Variants in AGO3 observed in about 807,000 individuals in gnomAD.
The protein encoded by AGO3 is argonaute RISC catalytic component 3, also known as protein argonaute-3.
In AGO3, 16 loss-of-function variants were observed where a neutral mutation model predicts 105.5. The observed-to-expected ratio is 0.15, with a 90% CI of 0.10 to 0.23. The LOEUF is 0.23. Ranked by LOEUF, AGO3 falls within the 10% of genes least tolerant of loss-of-function variation. The pLI, the probability that AGO3 is intolerant of heterozygous loss-of-function variation, is 1.00. For synonymous variants in AGO3, 340 were observed against 367.3 expected, an observed-to-expected ratio of 0.93 and a Z score of 0.85; for missense variants, 534 against 1,088.0, an observed-to-expected ratio of 0.49 and a Z score of 7.16.
intron 11 of AGO3, among the ~76,000 whole-genome samples, chr1:36,019,911 A>G (rs116410981): frequency 0.015 from 2,312 of 152,092 alleles, 48 homozygotes; most frequent in African/African-American, 0.053. Context: ...TGGGATTGCA[A>G]GTACCTGCCA....
intron 11 of AGO3, among the ~76,000 whole-genome samples, chr1:36,019,710 T>C (rs189214715): frequency 6.2e-4 from 94 of 152,338 alleles, no homozygotes; most frequent in African/African-American, 2.2e-3. Context: ...ACATTGGTCA[T>C]AAACCATTTT....
rs1274240943 is a variant in AGO3 at position 36,056,118 on chromosome 1, CCTT to C, written c.*375_*377del. 1 of 160,914 alleles carries C rather than the reference CCTT, an allele frequency of 6.2e-6. No individual in the cohort carries two copies. The highest frequency in any genetic ancestry group is 2.4e-5 in the African/African-American group (1 of 41,702). 10.0% of individuals were successfully genotyped at this position (160,914 alleles called of 1,614,324 possible). ...TAAATGATGGTTTAAAAAATACACA[CCTT>C]CATGAATAATCAAAGTGATTTTTCA... is the stretch of plus-strand genomic sequence containing the variant. On this transcript the variant is annotated 3_prime_UTR_variant, in exon 19 of 19. Transcript: ENST00000373191.
At chr1:36,022,176 T>TA (rs1641267143) in intron 11 of AGO3, among the ~76,000 whole-genome samples, 1 of 149,038 alleles carries the variant, frequency 6.7e-6, no homozygotes, top group Non-Finnish European at 1.5e-5. Context: ...GTGATCCTCC[T>TA]ATGTCAGCCT....
At chr1:35,987,949 T>A (rs1647275127) in intron 5 of AGO3, among the ~76,000 whole-genome samples, 1 of 151,668 alleles carries the variant, frequency 6.6e-6, no homozygotes, top group South Asian at 2.1e-4. Flanking sequence ...ACACCTGTAA[T>A]CCCAGCTACT....
chr1:35,934,606 C>CTTTAAA (rs1429920963), intron 1 of AGO3, among the ~76,000 whole-genome samples: 1 of 152,046 alleles, frequency 6.6e-6, no homozygotes. Context: ...ATATGTAATG[C>CTTTAAA]CATCAGGGTC....
chr1:36,033,005 G>C (rs1377966448), intron 12 of AGO3, among the ~76,000 whole-genome samples: 1 of 152,040 alleles, frequency 6.6e-6, no homozygotes, highest in Non-Finnish European at 1.5e-5. Flanking sequence ...GGTGGCAGGT[G>C]CCTGTAATCC....
chr1:35,958,381 A>T (rs574369443), intron 2 of AGO3, among the ~76,000 whole-genome samples: 18 of 145,402 alleles, frequency 1.2e-4, no homozygotes, highest in African/African-American at 4.0e-4. Flanking sequence ...ACTCCATAAT[A>T]AAAAAAAAAG....
chr1:35,966,962 G>A lies in AGO3; in HGVS notation c.199G>A (p.Val67Ile). ...ATTGTTTCCCTTCTTTAGGGAGGTG[G>A]TTGACTCAATGGTTCAGCATTTTAA... ...KCPRRVNREV[V>I]DSMVQHFKVT... The change falls in exon 3 of 19, where the codon GTT becomes ATT. Residue 67 changes from valine to isoleucine, a missense_variant. Around this residue, in one of 2 missense-constraint regions of AGO3, gnomAD observed 161 missense variants for 234.0 expected, o/e 0.69. Transcript: ENST00000373191. 6.2e-7 allele frequency: 1 copy of A among 1,609,018 alleles called. No homozygotes were observed. Among genetic ancestry groups the A allele is most frequent in the Non-Finnish European group, 8.5e-7 (1 of 1,178,470 alleles).
At chr1:36,054,881 C>CA (rs766398634) in intron 17 of AGO3, 65 bp from the exon 18 acceptor site, 10 of 1,519,296 alleles carry the variant, frequency 6.6e-6, no homozygotes, top group East Asian at 2.3e-5. Context: ...GACTTTGTCT[C>CA]AAAAAACAAA....
intron 11 of AGO3, among the ~76,000 whole-genome samples, chr1:36,016,387 G>T (rs1227143109): frequency 6.6e-6 from 1 of 152,086 alleles, no homozygotes; most frequent in African/African-American, 2.4e-5. Context: ...TCACTCTGTT[G>T]GCCAGGCTGG....
chr1:36,019,032 A>T (rs1641070215), intron 11 of AGO3, among the ~76,000 whole-genome samples: 1 of 152,024 alleles, frequency 6.6e-6, no homozygotes, highest in Admixed American at 6.6e-5. Flanking sequence ...TACAAACCCA[A>T]GCTTCAGGGT....
At chr1:36,053,026 A>T (rs648973) in intron 17 of AGO3, among the ~76,000 whole-genome samples, 2 of 152,066 alleles carry the variant, frequency 1.3e-5, no homozygotes, top group African/African-American at 4.8e-5. Context: ...TGTTTCCTCC[A>T]GTATTTAATA....
intron 17 of AGO3, among the ~76,000 whole-genome samples, chr1:36,044,355 A>T (rs812106): frequency 0.73 from 110,193 of 151,886 alleles, 43,563 homozygotes; most frequent in Non-Finnish European, 0.91. Context: ...CTCAAAAAAT[A>T]AAAAAAAATT....
Position 35,931,278 on chromosome 1 carries a change from T to C in AGO3, c.-149T>C. On this transcript the variant is annotated 5_prime_UTR_variant, in exon 1 of 19. Transcript: ENST00000373191. Reference sequence around the variant, plus strand: ...CTCTTCCGGCCCAGAGCTTTCGGAGTGCGGTTGCTCAGGGGAAGCCGTCGC... The same window carrying C: ...CTCTTCCGGCCCAGAGCTTTCGGAGCGCGGTTGCTCAGGGGAAGCCGTCGC... 1 of 559,814 alleles carries C rather than the reference T, an allele frequency of 1.8e-6. No homozygotes were observed. Among genetic ancestry groups the C allele is most frequent in the South Asian group, 3.7e-5 (1 of 27,258 alleles). 34.7% of individuals were successfully genotyped at this position (559,814 alleles called of 1,614,324 possible).
chr1:35,945,906 C>A (rs933438628), intron 2 of AGO3, 43 bp downstream of exon 2: 6 of 1,560,788 alleles, frequency 3.8e-6, no homozygotes, highest in Admixed American at 1.8e-5. Flanking sequence ...TATTTTTTTC[C>A]TTAGTAATTA....
chr1:35,991,868 G>A lies in AGO3; in HGVS notation c.659-12473G>A, dbSNP rs143760784. 1.5e-3 allele frequency among the ~76,000 whole-genome samples: 220 copies of A among 151,624 alleles called. 1 individual carries two copies. The highest frequency in any genetic ancestry group is 5.2e-3 in the African/African-American group (213 of 41,342). On this transcript the variant is annotated intron_variant, in intron 5 of 18. Coordinates refer to ENST00000373191, the MANE Select transcript of AGO3 (RefSeq NM_024852.4). ...CCTCAAATTCCTTTTTGTTTGTTTT[G>A]ATCTCTGTCTTCCATTTTGGAGGCG...
At chr1:36,009,089 C>CATTTTTTTTTTTTTTTTTT in intron 8 of AGO3, 45 bp downstream of exon 8, 1 of 1,474,652 alleles carries the variant, frequency 6.8e-7, no homozygotes, top group East Asian at 4.1e-5. Flanking sequence ...GTTCATGATT[C>CATTTTTTTTTTTTTTTTTT]TTTTGGGGTC....
chr1:35,953,971 A>T (rs191520389), intron 2 of AGO3, among the ~76,000 whole-genome samples: 6 of 152,212 alleles, frequency 3.9e-5, no homozygotes, highest in African/African-American at 1.4e-4. Flanking sequence ...TTTGAAGCAC[A>T]AACTTTTAAA....
At position 35,991,311 on chromosome 1, in the gene AGO3, A is replaced by G. The variant is rs546185368; in HGVS notation, c.659-13030A>G. Among the ~76,000 whole-genome samples, 135 of 151,970 alleles carry G rather than the reference A, an allele frequency of 8.9e-4. 1 individual carries two copies. Among genetic ancestry groups the G allele is most frequent in the African/African-American group, 3.2e-3 (133 of 41,440 alleles). On this transcript the variant is annotated intron_variant, in intron 5 of 18. Transcript: ENST00000373191. ...TCCATCTCCAAAAACAAAAACAGTA[A>G]TGGCTGCAGGAATCTCAGTGACAGT... is the stretch of plus-strand genomic sequence containing the variant.
Sources: gnomAD v4.1 joint callset for allele counts (sites outside exome capture counted in the v4.1 genomes callset) on GRCh38, gnomAD v4.1.1 for gene constraint, gnomAD v4.1.1 regional missense constraint, MANE v1.5 for transcripts, NCBI Gene and HGNC (gene_info 2026-07-23, HGNC 2026-07-21) for gene names.